Variants in MTRF1L observed in about 807,000 individuals in gnomAD.
MTRF1L encodes mitochondrial translation release factor 1 like.
In MTRF1L, 29 loss-of-function variants were observed where a neutral mutation model predicts 40.0. The ratio of observed to expected loss-of-function variants is 0.73; its 90% CI spans 0.54 to 0.99. The LOEUF is 0.99. MTRF1L is among the 50% of genes least tolerant of loss of function. The pLI is 0.00. For synonymous variants in MTRF1L, 150 were observed against 175.8 expected (o/e 0.85, Z 1.16); for missense variants, 412 against 464.5 (o/e 0.89, Z 1.04).
At chr6:153,000,977 G>A (rs1425669847) in intron 1 of MTRF1L, among the ~76,000 whole-genome samples, 4 of 148,810 alleles carry the variant, frequency 2.7e-5, no homozygotes, top group African/African-American at 5.0e-5. Context: ...GGGTTCAAGC[G>A]ATTCTCCCAC....
Position 152,990,050 on chromosome 6 carries a change from G to A in MTRF1L, c.988C>T (p.Pro330Ser), listed in dbSNP as rs1394438230. 1.2e-5 allele frequency: 19 copies of A among 1,613,834 alleles called. No homozygotes were observed. Among genetic ancestry groups the A allele is most frequent in the Non-Finnish European group, 1.6e-5 (19 of 1,179,936 alleles). Residue 330 changes from proline to serine, a missense_variant, in exon 7 of 7, where the codon CCA (proline) becomes TCA (serine). Transcript: ENST00000367233. ...CTGTGATCTGTGACCCGGTTCTGTG[G>A]AAAATTATATGTTCTTATTTTCTCT... ...RSEKIRTYNF[P>S]QNRVTDHRIN...
In MTRF1L at chr6:152,994,383, G is replaced by A. The variant is rs1159998615; in HGVS notation, c.687+130C>T. ...TATAAAATTATATTTTTTAGACTGAGATAATATGCAACTCAAAATACACAA... is the reference window on the plus strand; with the variant it reads ...TATAAAATTATATTTTTTAGACTGAAATAATATGCAACTCAAAATACACAA... On this transcript the variant is annotated intron_variant, in intron 4 of 6. Transcript: ENST00000367233. The A allele has an allele frequency of 4.4e-6, 4 of 901,490 alleles. No individual in the cohort carries two copies. The African/African-American group carries it at 6.8e-5, about 15-fold the overall frequency. 55.8% of individuals were successfully genotyped at this position (901,490 alleles called of 1,614,324 possible). A position where few individuals can be genotyped will look rare whatever the true frequency, so the allele number is the denominator to read the frequency against.
At chr6:152,998,800 A>G (rs551891060) in intron 1 of MTRF1L, 171 bp from the exon 2 acceptor site, 10 of 388,596 alleles carry the variant, frequency 2.6e-5, no homozygotes, top group African/African-American at 1.5e-4. Context: ...TGTCCTTTCA[A>G]TCAATTTCAC....
rs1180084167 is a variant in MTRF1L, at chr6:153,002,462, T to C, written c.224A>G (p.Glu75Gly). The change falls in exon 1 of 7, where the codon GAG becomes GGG. Residue 75 changes from glutamate to glycine, a missense_variant. Glu to Gly is a moderately conservative substitution (Grantham distance 98). Coordinates refer to ENST00000367233, the MANE Select transcript of MTRF1L (RefSeq NM_019041.7). ...GTGCTCAGTCTCCCGCAGCTCCCGC[T>C]CCTTCTCGTTCAGCAGTTTGATCAC... ...LAVIKLLNEK[E>G]RELRETEHLL... is the part of the protein sequence containing the mutation. 1 of 1,613,840 alleles carries C rather than the reference T, an allele frequency of 6.2e-7. No individual in the cohort carries two copies. Among genetic ancestry groups the C allele is most frequent in the African/African-American group, 1.3e-5 (1 of 75,040 alleles).
chr6:153,001,721 T>G (rs1008112675), intron 1 of MTRF1L, among the ~76,000 whole-genome samples: 1 of 152,236 alleles, frequency 6.6e-6, no homozygotes, highest in African/African-American at 2.4e-5. Flanking sequence ...GAGTCAGAAC[T>G]ATGCCTATCA....
In MTRF1L at chr6:152,987,535, G is replaced by C. The variant is rs1272675658; in HGVS notation, c.*2360C>G. 6.6e-6 allele frequency: 1 copy of C among 152,146 alleles called. No homozygotes were observed. Among genetic ancestry groups the C allele is most frequent in the African/African-American group, 2.4e-5 (1 of 41,426 alleles). The allele number at this position is 152,146 out of a possible 1,614,324, so 9.4% of individuals were successfully genotyped here. A position where few individuals can be genotyped will look rare whatever the true frequency, so the allele number is the denominator to read the frequency against. ...CAAATCGGATGCAGGGGAGAAGTCA[G>C]GTGACTATTAGTCTGCGAAGTAATT... On this transcript the variant is annotated 3_prime_UTR_variant, in exon 7 of 7. Transcript: ENST00000367233.
chr6:152,997,499 T>C (rs1288595987), intron 2 of MTRF1L, among the ~76,000 whole-genome samples: 1 of 152,106 alleles, frequency 6.6e-6, no homozygotes, highest in African/African-American at 2.4e-5. Flanking sequence ...AAACATGGCT[T>C]TACCAGTATG....
rs372766575 is a variant in MTRF1L, at chr6:152,989,845, G to A, written c.*50C>T. 13 of 1,537,488 alleles carry A rather than the reference G, an allele frequency of 8.5e-6. No homozygotes were observed. In the South Asian group the frequency reaches 1.4e-4, roughly 17 times the overall value. On this transcript the variant is annotated 3_prime_UTR_variant, in exon 7 of 7. Coordinates refer to ENST00000367233, the MANE Select transcript of MTRF1L (RefSeq NM_019041.7). Reference sequence around the variant, plus strand: ...AAGGGTACTTTCACCCTATGTGGATGTACTGTAGAATTTTTCTAAGCTACG... The same window carrying A: ...AAGGGTACTTTCACCCTATGTGGATATACTGTAGAATTTTTCTAAGCTACG...
intron 2 of MTRF1L, 62 bp downstream of exon 2, chr6:152,998,488 T>A (rs1778795089): frequency 2.4e-6 from 3 of 1,270,134 alleles, no homozygotes; most frequent in Non-Finnish European, 3.2e-6. Flanking sequence ...TTTATAAACC[T>A]TTAATAAACT....
chr6:152,993,129 AAAACTT>A (rs1331980084), intron 4 of MTRF1L, among the ~76,000 whole-genome samples, 155 bp from the exon 5 acceptor site: 2 of 152,200 alleles, frequency 1.3e-5, no homozygotes, highest in Non-Finnish European at 2.9e-5. Context: ...ATACCATTTT[AAAACTT>A]TTTTGCTTTT....
intron 2 of MTRF1L, chr6:152,998,316 T>C (rs1006098582): frequency 3.3e-5 from 9 of 274,588 alleles, no homozygotes; most frequent in Admixed American, 2.1e-4. Flanking sequence ...AACCAGTTTA[T>C]TGATAGTCAT....
intron 1 of MTRF1L, among the ~76,000 whole-genome samples, chr6:153,000,725 C>T (rs926921): frequency 0.22 from 32,686 of 151,968 alleles, 3,638 homozygotes; most frequent in South Asian, 0.3. Context: ...TCTAATTTAC[C>T]TCTCAAGCTG....
At chr6:153,000,687 C>G (rs1410314946) in intron 1 of MTRF1L, among the ~76,000 whole-genome samples, 2 of 152,010 alleles carry the variant, frequency 1.3e-5, no homozygotes, top group African/African-American at 4.8e-5. Context: ...AGATAAAATG[C>G]CATTTTTATA....
chr6:152,993,048 T>TGAATA, intron 4 of MTRF1L, 74 bp from the exon 5 acceptor site: 1 of 1,047,214 alleles, frequency 9.5e-7, no homozygotes, highest in Non-Finnish European at 1.5e-6. Context: ...GACCCATTTA[T>TGAATA]GAATATACAA....
intron 4 of MTRF1L, 99 bp downstream of exon 4, chr6:152,994,414 A>G: frequency 7.9e-7 from 1 of 1,269,414 alleles, no homozygotes; most frequent in Non-Finnish European, 1.1e-6. Flanking sequence ...CACAAGGAAG[A>G]CCAAATAGAT....
At chr6:152,991,361 A>C in intron 5 of MTRF1L, 40 bp from the exon 6 acceptor site, 1 of 1,522,308 alleles carries the variant, frequency 6.6e-7, no homozygotes, top group Non-Finnish European at 8.8e-7. Context: ...TTAATAAAAA[A>C]ATCTTCTTTA....
chr6:153,001,787 C>T (rs7747693), intron 1 of MTRF1L, among the ~76,000 whole-genome samples: 28 of 152,242 alleles, frequency 1.8e-4, no homozygotes, highest in African/African-American at 6.8e-4. Flanking sequence ...CAGCCACCAG[C>T]GTTTCTGGAG....
chr6:152,998,598 C>T lies in MTRF1L; in HGVS notation c.291G>A (p.Glu97=), dbSNP rs200877102. 8 of 1,596,756 alleles carry T rather than the reference C, an allele frequency of 5.0e-6. No individual in the cohort carries two copies. The highest frequency in any genetic ancestry group is 2.7e-5 in the African/African-American group (2 of 73,934). ...DENEDLRKLA[E]NEITLCQKEI... ...CTTTTTGACACAAAGTGATTTCATT[C>T]TCTGCAAGTTTCCTTAAATCTTCAT... is the stretch of plus-strand genomic sequence containing the variant. Residue 97 remains glutamate (E), a synonymous_variant, in exon 2 of 7, where the codon GAG becomes GAA. Transcript: ENST00000367233.
chr6:153,000,836 T>C (rs1378526922), intron 1 of MTRF1L, among the ~76,000 whole-genome samples: 3 of 151,346 alleles, frequency 2.0e-5, no homozygotes, highest in Non-Finnish European at 2.9e-5. Context: ...GCTGAAAAGG[T>C]TGTTTTACCT....
Sources: allele counts gnomAD v4.1 joint callset (sites outside exome capture counted in the v4.1 genomes callset), GRCh38; gene constraint gnomAD v4.1.1; transcripts MANE v1.5; gene names NCBI Gene and HGNC (gene_info 2026-07-23, HGNC 2026-07-21).